The following NXN variants were observed in gnomAD, a reference collection of about 807,000 sequenced individuals.
NXN encodes nucleoredoxin.
A neutral mutation model predicts 48.6 loss-of-function variants in NXN; 16 were observed. The ratio of observed to expected loss-of-function variants is 0.33; its 90% CI spans 0.22 to 0.50. The LOEUF (loss-of-function observed/expected upper bound fraction) is 0.50. Ranked by LOEUF, NXN falls within the 20% of genes least tolerant of loss-of-function variation. The probability of loss-of-function intolerance (pLI) is 0.98; values close to 1 mark genes in which losing one functional copy is unlikely to be tolerated. For missense variants in NXN, 492 were observed against 605.5 expected (o/e 0.81, Z 1.97); for synonymous variants, 281 against 269.6 (o/e 1.04, Z -0.41).
At chr17:979,028 G>A (rs538021525) in intron 1 of NXN, among the ~76,000 whole-genome samples, 3 of 148,388 alleles carry the variant, frequency 2.0e-5, no homozygotes, top group East Asian at 2.0e-4. Flanking sequence ...GCCGAGGGGG[G>A]TCCAACTTTC....
intron 2 of NXN, among the ~76,000 whole-genome samples, chr17:824,626 G>T (rs1054652336): frequency 6.6e-6 from 1 of 152,200 alleles, no homozygotes; most frequent in Non-Finnish European, 1.5e-5. Context: ...CACGCCCAGA[G>T]ATTCTGATTC....
chr17:951,367 C>CT (rs1197340642), intron 1 of NXN, among the ~76,000 whole-genome samples: 1 of 147,418 alleles, frequency 6.8e-6, no homozygotes, highest in Admixed American at 6.8e-5. Flanking sequence ...AAAAAAAAGA[C>CT]TGAACAGCTT....
chr17:889,796 A>G (rs1315361743), intron 1 of NXN, among the ~76,000 whole-genome samples: 1 of 152,256 alleles, frequency 6.6e-6, no homozygotes, highest in Non-Finnish European at 1.5e-5. Context: ...AAAGAAATGC[A>G]GACAGATTAA....
At chr17:967,966 C>T (rs990243974) in intron 1 of NXN, among the ~76,000 whole-genome samples, 5 of 149,480 alleles carry the variant, frequency 3.3e-5, no homozygotes, top group African/African-American at 7.4e-5. Flanking sequence ...AGCGAGACTC[C>T]GTCTCAAAAA....
intron 4 of NXN, 113 bp from the exon 5 acceptor site, chr17:819,658 A>C (rs1439403297): frequency 5.5e-6 from 4 of 733,472 alleles, no homozygotes; most frequent in Admixed American, 5.5e-5. Context: ...CGGGGTTTCT[A>C]ACCACTGTGC....
chr17:814,364 C>T (rs1000764866), intron 5 of NXN, among the ~76,000 whole-genome samples: 4 of 152,304 alleles, frequency 2.6e-5, no homozygotes, highest in African/African-American at 4.8e-5. Flanking sequence ...CGGCAACCCA[C>T]GGGCCCTCAC....
At chr17:943,671 A>T (rs1042301923) in intron 1 of NXN, among the ~76,000 whole-genome samples, 1 of 151,622 alleles carries the variant, frequency 6.6e-6, no homozygotes, top group Non-Finnish European at 1.5e-5. Flanking sequence ...AAAATATAAA[A>T]ATTAACCGGG....
At chr17:936,033 G>A (rs1407650767) in intron 1 of NXN, among the ~76,000 whole-genome samples, 3 of 148,084 alleles carry the variant, frequency 2.0e-5, no homozygotes, top group Admixed American at 7.1e-5. Flanking sequence ...TGGAGGTTGC[G>A]GCGAGCCAAG....
At chr17:912,830 T>G (rs1002796870) in intron 1 of NXN, among the ~76,000 whole-genome samples, 2 of 152,056 alleles carry the variant, frequency 1.3e-5, no homozygotes, top group African/African-American at 4.8e-5. Context: ...GGTACGTGTC[T>G]GTAATCCCAG....
chr17:939,331 T>C (rs1327228737), intron 1 of NXN, among the ~76,000 whole-genome samples: 2 of 149,854 alleles, frequency 1.3e-5, no homozygotes, highest in Non-Finnish European at 3.0e-5. Context: ...ACCACGTAAC[T>C]ATTAGAAATC....
At chr17:820,021 G>A (rs377008827) in intron 4 of NXN, among the ~76,000 whole-genome samples, 1 of 152,212 alleles carries the variant, frequency 6.6e-6, no homozygotes, top group East Asian at 1.9e-4. Context: ...CGGATCAGGG[G>A]ATCCCAGGGC....
chr17:865,339 T>C (rs1360005319), intron 1 of NXN, among the ~76,000 whole-genome samples: 1 of 151,976 alleles, frequency 6.6e-6, no homozygotes, highest in Admixed American at 6.5e-5. Context: ...GCCTCCTGGA[T>C]TCAAGTGATT....
chr17:875,855 C>T (rs1010163811), intron 1 of NXN, among the ~76,000 whole-genome samples: 6 of 152,124 alleles, frequency 3.9e-5, no homozygotes, highest in Admixed American at 3.9e-4. Context: ...CCCCGGCCTC[C>T]CAAAGTGCTG....
chr17:877,771 G>A (rs2068233582), intron 1 of NXN: 1 of 152,238 alleles, frequency 6.6e-6, no homozygotes, highest in South Asian at 2.1e-4. Context: ...AAAGGCCGTA[G>A]CGTCTGAGCT....
At chr17:908,544 C>G (rs1332449577) in intron 1 of NXN, among the ~76,000 whole-genome samples, 2 of 151,704 alleles carry the variant, frequency 1.3e-5, no homozygotes, top group African/African-American at 4.8e-5. Context: ...TCAAAGGAAA[C>G]AAAACAAAAC....
intron 1 of NXN, among the ~76,000 whole-genome samples, chr17:926,176 TC>T (rs1482224116): frequency 6.6e-6 from 1 of 152,138 alleles, no homozygotes; most frequent in African/African-American, 2.4e-5. Context: ...CGTCTCTGTC[TC>T]TATTTTTCTC....
intron 5 of NXN, among the ~76,000 whole-genome samples, chr17:812,566 T>TGC (rs1491027329): frequency 4.8e-5 from 7 of 145,090 alleles, no homozygotes; most frequent in East Asian, 1.9e-4. Flanking sequence ...AGTGTGTGTG[T>TGC]GAGTCTGTGT....
At chr17:871,507 T>G (rs2068154645) in intron 1 of NXN, among the ~76,000 whole-genome samples, 1 of 144,842 alleles carries the variant, frequency 6.9e-6, no homozygotes, top group South Asian at 2.2e-4. Flanking sequence ...CGGGTTCAAA[T>G]GATTCTCCTG....
chr17:976,259 A>G (rs1320305681), intron 1 of NXN, among the ~76,000 whole-genome samples: 2 of 151,988 alleles, frequency 1.3e-5, no homozygotes, highest in Admixed American at 6.6e-5. Context: ...CAGGCTTAAC[A>G]TATACGGTCA....
Sources: gnomAD v4.1 joint callset for allele counts (sites outside exome capture counted in the v4.1 genomes callset) on GRCh38, gnomAD v4.1.1 for gene constraint, MANE v1.5 for transcripts, NCBI Gene and HGNC (gene_info 2026-07-23, HGNC 2026-07-21) for gene names.